Variants in DOCK2 observed in about 807,000 individuals in gnomAD.
The protein encoded by DOCK2 is dedicator of cytokinesis protein 2.
In DOCK2, 87 loss-of-function variants were observed where a neutral mutation model predicts 248.9. That is an observed-to-expected ratio of 0.35 (90% CI 0.29 to 0.42). The LOEUF (loss-of-function observed/expected upper bound fraction) is 0.42. Ranked by LOEUF, DOCK2 falls within the 10% of genes least tolerant of loss-of-function variation. The probability of loss-of-function intolerance (pLI) is 1.00; values close to 1 mark genes in which losing one functional copy is unlikely to be tolerated. For missense variants in DOCK2, 1,747 were observed against 2,300.2 expected, an observed-to-expected ratio of 0.76 and a Z score of 4.92; for synonymous variants, 805 against 821.6, an observed-to-expected ratio of 0.98 and a Z score of 0.35.
At chr5:169,934,479 G>A (rs1216320324) in intron 27 of DOCK2, among the ~76,000 whole-genome samples, 1 of 152,194 alleles carries the variant, frequency 6.6e-6, no homozygotes, top group African/African-American at 2.4e-5. Flanking sequence ...AGTAAGAGGT[G>A]CATGCACATA....
intron 33 of DOCK2, 97 bp downstream of exon 33, chr5:170,019,205 G>A: frequency 1.3e-6 from 2 of 1,568,768 alleles, no homozygotes; most frequent in Non-Finnish European, 1.7e-6. Flanking sequence ...GCTTCATTGA[G>A]AGGCTCGGCG....
intron 43 of DOCK2, chr5:170,057,355 T>G (rs1427371032): frequency 3.4e-6 from 2 of 595,736 alleles, no homozygotes; most frequent in African/African-American, 3.7e-5. Context: ...CCCAGGTTAG[T>G]ACTTACTTGG....
intron 32 of DOCK2, among the ~76,000 whole-genome samples, chr5:170,009,172 C>T (rs1755184829): frequency 6.6e-6 from 1 of 151,962 alleles, no homozygotes; most frequent in South Asian, 2.1e-4. Context: ...ATGAGAGGGT[C>T]TTTTTAGCTG....
At chr5:169,862,645 A>G (rs1240126879) in intron 27 of DOCK2, among the ~76,000 whole-genome samples, 1 of 152,244 alleles carries the variant, frequency 6.6e-6, no homozygotes, top group East Asian at 1.9e-4. Flanking sequence ...TAAACATTAC[A>G]CTAGAAACAG....
At chr5:169,840,650 A>G in intron 26 of DOCK2, 107 bp from the exon 27 acceptor site, 1 of 818,312 alleles carries the variant, frequency 1.2e-6, no homozygotes, top group Non-Finnish European at 2.0e-6. Context: ...GGTGTTGGTG[A>G]TGGTGTTGAA....
intron 26 of DOCK2, among the ~76,000 whole-genome samples, chr5:169,808,999 T>G (rs1039015346): frequency 2.6e-5 from 4 of 152,096 alleles, no homozygotes; most frequent in Non-Finnish European, 5.9e-5. Context: ...TCTGATTTTT[T>G]TTTTTTCTTT....
intron 44 of DOCK2, among the ~76,000 whole-genome samples, chr5:170,060,496 A>G (rs1328560839): frequency 6.6e-6 from 1 of 152,190 alleles, no homozygotes; most frequent in African/African-American, 2.4e-5. Flanking sequence ...TAGCTAAGTG[A>G]CAGACCTCCG....
rs80245050 is a variant in DOCK2, at chr5:170,050,822, C to T, written c.4213+425C>T. ...CTATCTCAATACATTGTAAATGTTG[C>T]ATGCATTGATTAATTCACTCACTCA... On this transcript the variant is annotated intron_variant, in intron 41 of 51. Transcript: ENST00000520908. Among the ~76,000 whole-genome samples the T allele has an allele frequency of 7.7e-3, 1,178 of 152,220 alleles. 15 individuals are homozygous for T. Among genetic ancestry groups the T allele is most frequent in the African/African-American group, 0.027 (1,105 of 41,528 alleles).
chr5:169,782,067 C>G (rs189497130), intron 25 of DOCK2, among the ~76,000 whole-genome samples: 4 of 152,220 alleles, frequency 2.6e-5, no homozygotes, highest in African/African-American at 9.6e-5. Context: ...GCTGTCTGTT[C>G]AAGGCCTGTG....
intron 34 of DOCK2, 114 bp from the exon 35 acceptor site, chr5:170,034,285 A>G: frequency 7.5e-7 from 1 of 1,327,926 alleles, no homozygotes; most frequent in East Asian, 2.4e-5. Flanking sequence ...AGGAGCAGTC[A>G]GGGAACTTGG....
chr5:170,015,825 T>G (rs1755513013), intron 32 of DOCK2, among the ~76,000 whole-genome samples: 1 of 146,952 alleles, frequency 6.8e-6, no homozygotes, highest in African/African-American at 2.5e-5. Context: ...TCCCTCCTTT[T>G]CTTCTTTCCC....
At chr5:169,866,382 C>A (rs1476010191) in intron 27 of DOCK2, among the ~76,000 whole-genome samples, 1 of 152,188 alleles carries the variant, frequency 6.6e-6, no homozygotes, top group African/African-American at 2.4e-5. Context: ...TTGGGGAAGT[C>A]ATTTCCCACT....
intron 27 of DOCK2, among the ~76,000 whole-genome samples, chr5:169,857,436 T>C (rs774662214): frequency 4.6e-5 from 7 of 152,182 alleles, no homozygotes; most frequent in Non-Finnish European, 7.3e-5. Context: ...CTGAATGCCA[T>C]GTAGACCTCA....
intron 22 of DOCK2, 22 bp downstream of exon 22, chr5:169,718,813 G>A (rs1762038586): frequency 1.2e-6 from 2 of 1,603,588 alleles, no homozygotes; most frequent in Non-Finnish European, 1.7e-6. Context: ...TTATGTAAGA[G>A]TGATTGATTA....
At chr5:169,865,941 T>C (rs1581315644) in intron 27 of DOCK2, among the ~76,000 whole-genome samples, 2 of 152,240 alleles carry the variant, frequency 1.3e-5, no homozygotes, top group East Asian at 3.9e-4. Flanking sequence ...CAAAGGCATG[T>C]TGCCGTTGCC....
chr5:169,878,925 C>T (rs1257511967), intron 27 of DOCK2, among the ~76,000 whole-genome samples: 1 of 152,138 alleles, frequency 6.6e-6, no homozygotes, highest in Non-Finnish European at 1.5e-5. Context: ...GATAGAATCT[C>T]TAGGCATTGG....
chr5:169,692,848 C>T (rs955888884), intron 9 of DOCK2, among the ~76,000 whole-genome samples: 3 of 152,198 alleles, frequency 2.0e-5, no homozygotes, highest in African/African-American at 7.2e-5. Flanking sequence ...CCGTGGTCTT[C>T]TCTCTGTGTT....
At chr5:170,003,335 C>G (rs750989205) in intron 30 of DOCK2, among the ~76,000 whole-genome samples, 3 of 152,252 alleles carry the variant, frequency 2.0e-5, no homozygotes, top group African/African-American at 4.8e-5. Context: ...AGCAATAGAA[C>G]TGGTTTTCAC....
intron 27 of DOCK2, among the ~76,000 whole-genome samples, chr5:169,906,204 G>A: frequency 6.6e-6 from 1 of 152,164 alleles, no homozygotes; most frequent in East Asian, 1.9e-4. Flanking sequence ...TGGATAGTCA[G>A]AAAGTTCTTT....
Sources: gnomAD v4.1 joint callset for allele counts (sites outside exome capture counted in the v4.1 genomes callset) on GRCh38, gnomAD v4.1.1 for gene constraint, MANE v1.5 for transcripts, NCBI Gene and HGNC (gene_info 2026-07-23, HGNC 2026-07-21) for gene names.